Variants in CTNNA3 observed in about 807,000 individuals in gnomAD.
CTNNA3 encodes the protein catenin alpha 3, also known as catenin alpha-3.
CTNNA3 carries 76 observed loss-of-function variants against 95.7 expected under a neutral mutation model. The observed-to-expected ratio is 0.79, with a 90% CI of 0.66 to 0.96. The LOEUF (loss-of-function observed/expected upper bound fraction) is 0.96. CTNNA3 is among the 40% of genes least tolerant of loss of function. The pLI is 0.00. For synonymous variants in CTNNA3, 431 were observed against 374.4 expected (o/e 1.15, Z -1.74); for missense variants, 1,191 against 1,089.8 (o/e 1.09, Z -1.31).
intron 5 of CTNNA3, among the ~76,000 whole-genome samples, chr10:67,473,350 C>T (rs1033101260): frequency 6.6e-6 from 1 of 152,144 alleles, no homozygotes; most frequent in Non-Finnish European, 1.5e-5. Context: ...TTCATATATG[C>T]TCACGCTATA....
At chr10:66,937,489 C>A (rs890234494) in intron 7 of CTNNA3, among the ~76,000 whole-genome samples, 4 of 152,114 alleles carry the variant, frequency 2.6e-5, no homozygotes, top group Non-Finnish European at 4.4e-5. Flanking sequence ...TACCACAATG[C>A]GCTTTGAAAG....
intron 17 of CTNNA3, among the ~76,000 whole-genome samples, chr10:65,924,711 GT>G (rs1179060574): frequency 6.6e-6 from 1 of 152,104 alleles, no homozygotes; most frequent in Non-Finnish European, 1.5e-5. Context: ...CCTTGTATTA[GT>G]TTGTTCTCAC....
At chr10:66,471,102 C>G (rs1159802952) in intron 11 of CTNNA3, among the ~76,000 whole-genome samples, 1 of 151,722 alleles carries the variant, frequency 6.6e-6, no homozygotes, top group East Asian at 1.9e-4. Flanking sequence ...ATGCAACATC[C>G]CCCATTGTTT....
chr10:66,790,143 CTA>C (rs919635843), intron 7 of CTNNA3, among the ~76,000 whole-genome samples: 11 of 152,134 alleles, frequency 7.2e-5, no homozygotes, highest in African/African-American at 2.6e-4. Context: ...TTAAAGAAAG[CTA>C]ACAGATAAAA....
chr10:66,201,212 T>C (rs1413329293), intron 13 of CTNNA3, among the ~76,000 whole-genome samples: 2 of 152,198 alleles, frequency 1.3e-5, no homozygotes, highest in Admixed American at 1.3e-4. Flanking sequence ...CAGACAAATA[T>C]TCAGTTTAGT....
chr10:67,264,595 A>T (rs1389865054), intron 5 of CTNNA3, among the ~76,000 whole-genome samples: 1 of 152,188 alleles, frequency 6.6e-6, no homozygotes, highest in Non-Finnish European at 1.5e-5. Flanking sequence ...CAGACATTAA[A>T]TGCCTGGTCT....
intron 17 of CTNNA3, among the ~76,000 whole-genome samples, chr10:65,952,675 A>G (rs990598187): frequency 1.3e-5 from 2 of 152,214 alleles, no homozygotes; most frequent in African/African-American, 4.8e-5. Context: ...TTCTGTAAGT[A>G]CTTGATTGCC....
chr10:66,142,701 A>G (rs2083681713), intron 13 of CTNNA3, among the ~76,000 whole-genome samples: 1 of 152,088 alleles, frequency 6.6e-6, no homozygotes. Context: ...ACAGGTTAAA[A>G]CTGATATATT....
intron 7 of CTNNA3, among the ~76,000 whole-genome samples, chr10:67,038,428 A>C (rs1854197037): frequency 6.6e-6 from 1 of 152,112 alleles, no homozygotes; most frequent in Non-Finnish European, 1.5e-5. Flanking sequence ...TACTATAAGA[A>C]GATGAAAATA....
At chr10:67,389,146 G>A (rs937414660) in intron 5 of CTNNA3, among the ~76,000 whole-genome samples, 5 of 151,714 alleles carry the variant, frequency 3.3e-5, no homozygotes, top group Admixed American at 2.6e-4. Context: ...ACCCATCAGT[G>A]TGCTGTATTC....
At chr10:66,388,425 G>T (rs1408266950) in intron 11 of CTNNA3, among the ~76,000 whole-genome samples, 1 of 152,106 alleles carries the variant, frequency 6.6e-6, no homozygotes, top group East Asian at 1.9e-4. Context: ...AACAATGAAT[G>T]AGTAGTCACC....
intron 9 of CTNNA3, among the ~76,000 whole-genome samples, chr10:66,703,574 A>G (rs1163278314): frequency 6.6e-6 from 1 of 152,170 alleles, no homozygotes; most frequent in African/African-American, 2.4e-5. Flanking sequence ...TGTGAAACCA[A>G]TCAGAAAATA....
chr10:66,040,080 T>G (rs1165713884), intron 15 of CTNNA3, among the ~76,000 whole-genome samples: 3 of 152,112 alleles, frequency 2.0e-5, no homozygotes, highest in African/African-American at 7.2e-5. Flanking sequence ...GAACAGACAC[T>G]TTTCCAAACA....
intron 15 of CTNNA3, among the ~76,000 whole-genome samples, chr10:66,029,236 A>G (rs1343146582): frequency 6.6e-6 from 1 of 152,106 alleles, no homozygotes; most frequent in African/African-American, 2.4e-5. Context: ...GTAACCCTTT[A>G]AAAAATGTAA....
intron 13 of CTNNA3, among the ~76,000 whole-genome samples, chr10:66,202,481 T>C (rs1334179067): frequency 6.6e-6 from 1 of 152,230 alleles, no homozygotes; most frequent in Non-Finnish European, 1.5e-5. Context: ...TCTTCTACCA[T>C]GTGACTGCGC....
At chr10:65,936,414 G>T (rs12253040) in intron 17 of CTNNA3, among the ~76,000 whole-genome samples, 1 of 152,154 alleles carries the variant, frequency 6.6e-6, no homozygotes, top group Non-Finnish European at 1.5e-5. Context: ...TCTAGAAGTA[G>T]ACTCTTGATG....
At chr10:66,175,155 C>T (rs1308200187) in intron 13 of CTNNA3, among the ~76,000 whole-genome samples, 2 of 151,852 alleles carry the variant, frequency 1.3e-5, no homozygotes, top group African/African-American at 4.8e-5. Context: ...GCTATGTCGG[C>T]CCCACAGAAT....
chr10:66,008,660 T>C (rs116301155), intron 15 of CTNNA3, among the ~76,000 whole-genome samples: 1,866 of 152,348 alleles, frequency 0.012, 31 homozygotes, highest in African/African-American at 0.043. Context: ...ATGTATAAGA[T>C]GTATACAGAA....
chr10:65,945,864 A>G (rs905216873), intron 17 of CTNNA3, among the ~76,000 whole-genome samples: 1 of 152,162 alleles, frequency 6.6e-6, no homozygotes, highest in Non-Finnish European at 1.5e-5. Flanking sequence ...CATTGTGGTT[A>G]CCATTACTCT....
Sources: allele counts gnomAD v4.1 joint callset (sites outside exome capture counted in the v4.1 genomes callset), GRCh38; gene constraint gnomAD v4.1.1; transcripts MANE v1.5; gene names NCBI Gene and HGNC (gene_info 2026-07-23, HGNC 2026-07-21).